CNTN4: variants seen among roughly 807,000 people sequenced by gnomAD.
CNTN4 encodes the protein contactin-4.
CNTN4 carries 77 observed loss-of-function variants against 122.5 expected under a neutral mutation model. The observed-to-expected ratio is 0.63, with a 90% confidence interval of 0.52 to 0.76. CNTN4 has a LOEUF of 0.76. Ranked by LOEUF, CNTN4 falls within the 30% of genes least tolerant of loss-of-function variation. CNTN4 has a pLI of 0.00. For synonymous variants in CNTN4, 512 were observed against 447.0 expected (o/e 1.15, Z -1.83); for missense variants, 1,256 against 1,259.1 (o/e 1.00, Z 0.04).
intron 3 of CNTN4, among the ~76,000 whole-genome samples, chr3:2,452,367 G>A (rs767069227): frequency 5.9e-5 from 9 of 152,114 alleles, no homozygotes; most frequent in East Asian, 3.9e-4. Context: ...CGAATTCACC[G>A]AGGCTTTGTG....
chr3:2,671,603 T>C (rs2084518471), intron 4 of CNTN4, among the ~76,000 whole-genome samples: 1 of 152,220 alleles, frequency 6.6e-6, no homozygotes, highest in South Asian at 2.1e-4. Context: ...CAAAGTCATT[T>C]TCCATCTGCT....
chr3:2,547,180 G>A (rs2078280355), intron 3 of CNTN4, among the ~76,000 whole-genome samples: 1 of 152,030 alleles, frequency 6.6e-6, no homozygotes, highest in Non-Finnish European at 1.5e-5. Context: ...ACTAATACGA[G>A]TGTCTTTTGA....
chr3:2,683,327 TACAC>T (rs10601751), intron 4 of CNTN4, among the ~76,000 whole-genome samples: 57,780 of 149,184 alleles, frequency 0.39, 11,725 homozygotes, highest in South Asian at 0.56. Flanking sequence ...TGCACACATG[TACAC>T]ACACACACAC....
At chr3:2,728,450 T>C (rs1174198866) in intron 4 of CNTN4, among the ~76,000 whole-genome samples, 4 of 152,024 alleles carry the variant, frequency 2.6e-5, no homozygotes, top group African/African-American at 9.7e-5. Flanking sequence ...CCCCTTGGTG[T>C]GAGTGGTGAG....
intron 3 of CNTN4, among the ~76,000 whole-genome samples, chr3:2,490,325 A>G (rs925913206): frequency 2.0e-5 from 3 of 152,132 alleles, no homozygotes; most frequent in African/African-American, 7.2e-5. Flanking sequence ...GTGTACTTTG[A>G]AGTACCACCT....
intron 4 of CNTN4, among the ~76,000 whole-genome samples, chr3:2,602,063 C>T (rs2081069400): frequency 6.6e-6 from 1 of 152,136 alleles, no homozygotes; most frequent in Non-Finnish European, 1.5e-5. Context: ...TGAAAACTCT[C>T]AATAAACTAG....
At chr3:2,119,754 G>A (rs931604339) in intron 2 of CNTN4, among the ~76,000 whole-genome samples, 13 of 151,360 alleles carry the variant, frequency 8.6e-5, no homozygotes, top group South Asian at 2.1e-4. Flanking sequence ...CTACTAAGCC[G>A]TAGGACCAAG....
At chr3:2,456,768 T>C (rs1009083238) in intron 3 of CNTN4, among the ~76,000 whole-genome samples, 1 of 152,152 alleles carries the variant, frequency 6.6e-6, no homozygotes, top group African/African-American at 2.4e-5. Context: ...TCCATTCGTC[T>C]ATCTATGGAC....
chr3:2,323,454 T>A (rs2150227811), intron 2 of CNTN4, among the ~76,000 whole-genome samples: 1 of 152,312 alleles, frequency 6.6e-6, no homozygotes, highest in South Asian at 2.1e-4. Flanking sequence ...ACTTAACTTT[T>A]GTACAGACTT....
intron 3 of CNTN4, among the ~76,000 whole-genome samples, chr3:2,341,730 T>C (rs1042114950): frequency 6.6e-6 from 1 of 152,248 alleles, no homozygotes; most frequent in Non-Finnish European, 1.5e-5. Context: ...CTTTTTAACA[T>C]AGTAATTTCA....
chr3:3,029,401 A>C (rs1698987499), intron 15 of CNTN4, among the ~76,000 whole-genome samples: 1 of 152,178 alleles, frequency 6.6e-6, no homozygotes, highest in Non-Finnish European at 1.5e-5. Context: ...AAGTCAGTAA[A>C]TCAAGGCCAA....
chr3:2,800,715 C>T (rs1398091373), intron 6 of CNTN4, among the ~76,000 whole-genome samples: 1 of 152,142 alleles, frequency 6.6e-6, no homozygotes, highest in Non-Finnish European at 1.5e-5. Context: ...ATAGAGGTCC[C>T]CTCTCTGTCC....
chr3:2,286,845 A>AT (rs1232814435), intron 2 of CNTN4, among the ~76,000 whole-genome samples: 1 of 152,218 alleles, frequency 6.6e-6, no homozygotes, highest in Non-Finnish European at 1.5e-5. Context: ...GAAACCAGGG[A>AT]TAAAAAAAGC....
intron 3 of CNTN4, among the ~76,000 whole-genome samples, chr3:2,369,149 T>G (rs1272289495): frequency 6.6e-6 from 1 of 152,020 alleles, no homozygotes. Flanking sequence ...GGTCTCGAAC[T>G]CCTGACCTCG....
intron 3 of CNTN4, among the ~76,000 whole-genome samples, chr3:2,421,082 A>G (rs2047596799): frequency 6.6e-6 from 1 of 152,148 alleles, no homozygotes; most frequent in Non-Finnish European, 1.5e-5. Context: ...CCCTGTTGAA[A>G]GAGTCTGCAG....
chr3:2,145,457 C>T (rs1052742917), intron 2 of CNTN4, among the ~76,000 whole-genome samples: 7 of 152,112 alleles, frequency 4.6e-5, no homozygotes, highest in African/African-American at 1.7e-4. Context: ...TAGTAAGAGG[C>T]TTGGAAATAA....
intron 3 of CNTN4, among the ~76,000 whole-genome samples, chr3:2,509,112 A>G (rs540192949): frequency 2.8e-4 from 43 of 152,314 alleles, no homozygotes; most frequent in Admixed American, 2.8e-3. Flanking sequence ...CAATTAAACT[A>G]TTTCGGCTGT....
Position 2,771,804 on chromosome 3 carries a change from T to C in CNTN4, c.358+26107T>C, listed in dbSNP as rs151040173. On this transcript the variant is annotated intron_variant, in intron 6 of 24. Transcript: ENST00000418658. Reference sequence around the variant, plus strand: ...TGAAAAGACAGCAGTGTGCACAGTATGTAATGAAAACATGGAGAAGCAATA... The same window carrying C: ...TGAAAAGACAGCAGTGTGCACAGTACGTAATGAAAACATGGAGAAGCAATA... Among the ~76,000 whole-genome samples the C allele has an allele frequency of 2.5e-4, 38 of 152,266 alleles. No homozygotes were observed. In the East Asian group the frequency reaches 7.3e-3, roughly 29 times the overall value.
chr3:2,513,261 A>AC (rs1335405716), intron 3 of CNTN4, among the ~76,000 whole-genome samples: 1 of 152,126 alleles, frequency 6.6e-6, no homozygotes, highest in East Asian at 1.9e-4. Flanking sequence ...AACTGAACTG[A>AC]CCTTTGTGAG....
Sources: allele counts gnomAD v4.1 joint callset (sites outside exome capture counted in the v4.1 genomes callset), GRCh38; gene constraint gnomAD v4.1.1; transcripts MANE v1.5; gene names NCBI Gene and HGNC (gene_info 2026-07-23, HGNC 2026-07-21).